Variants in FRK observed in about 807,000 individuals in gnomAD.
FRK encodes tyrosine-protein kinase FRK.
FRK carries 51 observed loss-of-function variants against 56.4 expected under a neutral mutation model. The observed-to-expected ratio is 0.90, with a 90% confidence interval of 0.72 to 1.14. The LOEUF (loss-of-function observed/expected upper bound fraction) is 1.14. Among genes scored for constraint, FRK ranks in the 50% most tolerant of loss-of-function variants. The pLI, the probability that FRK is intolerant of heterozygous loss-of-function variation, is 0.00. For synonymous variants in FRK, 245 were observed against 217.9 expected, an observed-to-expected ratio of 1.12 and a Z score of -1.10; for missense variants, 570 against 601.4, an observed-to-expected ratio of 0.95 and a Z score of 0.55.
At chr6:116,012,195 C>T (rs554172945) in intron 1 of FRK, among the ~76,000 whole-genome samples, 1 of 152,260 alleles carries the variant, frequency 6.6e-6, no homozygotes, top group East Asian at 1.9e-4. Flanking sequence ...CAGACTCTCC[C>T]CCTTGCTCAC....
intron 1 of FRK, among the ~76,000 whole-genome samples, chr6:116,028,642 A>C (rs1271187980): frequency 6.6e-6 from 1 of 152,118 alleles, no homozygotes; most frequent in African/African-American, 2.4e-5. Context: ...TCTGCCTCAC[A>C]TTCACATAGC....
At chr6:116,076,245 A>G in the FRK span, among the ~76,000 whole-genome samples, 3 of 152,314 alleles carry the variant, frequency 2.0e-5, no homozygotes, top group South Asian at 6.2e-4. Context: ...TTCTTACAGT[A>G]TGTTATGATG....
chr6:116,065,971 C>A, the FRK span, among the ~76,000 whole-genome samples: 5 of 152,094 alleles, frequency 3.3e-5, no homozygotes, highest in African/African-American at 1.2e-4. Context: ...CTCTGTATCA[C>A]AAGGAAAATC....
chr6:115,944,592 T>G (rs1772345859), intron 5 of FRK, among the ~76,000 whole-genome samples, 167 bp from the exon 6 acceptor site: 1 of 152,166 alleles, frequency 6.6e-6, no homozygotes, highest in Non-Finnish European at 1.5e-5. Flanking sequence ...TAATTTGCTG[T>G]GAAAGGTTAA....
chr6:116,013,066 C>T (rs146940494), intron 1 of FRK, among the ~76,000 whole-genome samples: 18 of 152,166 alleles, frequency 1.2e-4, no homozygotes, highest in African/African-American at 4.1e-4. Context: ...TTTGATAAAG[C>T]TTTTTTGTTG....
intron 1 of FRK, among the ~76,000 whole-genome samples, chr6:116,033,445 C>A (rs1776367115): frequency 6.6e-6 from 1 of 152,102 alleles, no homozygotes; most frequent in African/African-American, 2.4e-5. Context: ...ACCAGTTCTT[C>A]AGCTTTTAAA....
chr6:116,063,479 G>A (rs955453148), upstream of FRK, among the ~76,000 whole-genome samples: 1 of 151,580 alleles, frequency 6.6e-6, no homozygotes, highest in Non-Finnish European at 1.5e-5. Context: ...TGCATGTTCT[G>A]ACTTATATGT....
chr6:116,004,264 G>C (rs1294866162), intron 1 of FRK, among the ~76,000 whole-genome samples: 1 of 152,048 alleles, frequency 6.6e-6, no homozygotes, highest in East Asian at 1.9e-4. Flanking sequence ...TGTTCTGTCT[G>C]AGAGGTCCTG....
At chr6:116,010,368 A>T (rs951832486) in intron 1 of FRK, among the ~76,000 whole-genome samples, 1 of 152,228 alleles carries the variant, frequency 6.6e-6, no homozygotes, top group African/African-American at 2.4e-5. Flanking sequence ...GTTGTAGATT[A>T]CTTTAAAATG....
chr6:116,086,545 A>T, the FRK span, among the ~76,000 whole-genome samples: 1 of 152,230 alleles, frequency 6.6e-6, no homozygotes, highest in African/African-American at 2.4e-5. Flanking sequence ...GGTCAAATTA[A>T]AAGTAGTAGC....
At position 115,932,794 on chromosome 6, in the gene FRK, G is replaced by T. The variant is rs906111531; in HGVS notation, c.*9620C>A. The T allele has an allele frequency of 6.6e-6, 1 of 152,220 alleles. No individual in the cohort carries two copies. Among genetic ancestry groups the T allele is most frequent in the African/African-American group, 2.4e-5 (1 of 41,436 alleles). The allele number at this position is 152,220 out of a possible 1,614,324, so 9.4% of individuals were successfully genotyped here. On this transcript the variant is annotated 3_prime_UTR_variant, in exon 8 of 8. Coordinates refer to ENST00000606080, the MANE Select transcript of FRK (RefSeq NM_002031.3). The stretch of plus-strand genomic sequence containing the variant: ...GTAGTGGTATGGCATCCTTCCAATG[G>T]CAACAGTTTCCTTTAGGCCTCCACA...
intron 5 of FRK, among the ~76,000 whole-genome samples, chr6:115,946,224 T>C (rs1445122991): frequency 6.6e-6 from 1 of 152,110 alleles, no homozygotes; most frequent in Non-Finnish European, 1.5e-5. Context: ...CTATATACAT[T>C]ACAGGGGCCA....
At chr6:115,944,091 G>A (rs754636975) in intron 6 of FRK, among the ~76,000 whole-genome samples, 153 bp downstream of exon 6, 1 of 152,112 alleles carries the variant, frequency 6.6e-6, no homozygotes, top group Non-Finnish European at 1.5e-5. Flanking sequence ...GGAAGGTGCA[G>A]GTAGTTTGTA....
At chr6:115,983,474 T>C (rs1339570942) in intron 2 of FRK, among the ~76,000 whole-genome samples, 2 of 152,320 alleles carry the variant, frequency 1.3e-5, no homozygotes, top group Admixed American at 1.3e-4. Flanking sequence ...AGGGAAATAC[T>C]AGGTTGCGCA....
At chr6:116,059,871 T>C (rs1404200108) in intron 1 of FRK, 97 bp downstream of exon 1, 1 of 1,054,076 alleles carries the variant, frequency 9.5e-7, no homozygotes, top group Non-Finnish European at 1.4e-6. Flanking sequence ...TTTAGGCAAC[T>C]CTTTGGACAT....
intron 1 of FRK, among the ~76,000 whole-genome samples, chr6:116,035,294 T>G (rs1482366589): frequency 6.6e-6 from 1 of 152,108 alleles, no homozygotes; most frequent in Admixed American, 6.6e-5. Flanking sequence ...TCTTTACTAA[T>G]GAGAATTTAA....
intron 1 of FRK, among the ~76,000 whole-genome samples, chr6:116,026,140 G>A (rs1419177620): frequency 1.3e-5 from 2 of 152,082 alleles, no homozygotes; most frequent in East Asian, 3.8e-4. Context: ...AAAGCACAGA[G>A]AACAGGGGCC....
chr6:116,098,668 A>G, the FRK span, among the ~76,000 whole-genome samples: 27,171 of 152,250 alleles, frequency 0.18, 2,905 homozygotes, highest in African/African-American at 0.29. Context: ...ATTGGTATCT[A>G]AGTAGAAGAC....
intron 2 of FRK, among the ~76,000 whole-genome samples, chr6:115,991,488 G>A (rs1286167266): frequency 6.6e-6 from 1 of 151,518 alleles, no homozygotes; most frequent in Non-Finnish European, 1.5e-5. Flanking sequence ...AGGGATGTTG[G>A]ATTTTATTGA....
Sources: gnomAD v4.1 joint callset for allele counts (sites outside exome capture counted in the v4.1 genomes callset) on GRCh38, gnomAD v4.1.1 for gene constraint, MANE v1.5 for transcripts, NCBI Gene and HGNC (gene_info 2026-07-23, HGNC 2026-07-21) for gene names.